The following WASHC4 variants were observed in gnomAD, a reference collection of about 807,000 sequenced individuals.
The protein encoded by WASHC4 is WASH complex subunit 4.
Under a neutral mutation model 166.6 loss-of-function variants are expected in WASHC4, and 86 were observed. The observed-to-expected ratio is 0.52, with a 90% CI of 0.43 to 0.62. The LOEUF is 0.62. Ranked by LOEUF, WASHC4 falls within the 20% of genes least tolerant of loss-of-function variation. The probability of loss-of-function intolerance (pLI) is 0.00; values close to 1 mark genes in which losing one functional copy is unlikely to be tolerated. For missense variants in WASHC4, 1,262 were observed against 1,382.4 expected, an observed-to-expected ratio of 0.91 and a Z score of 1.38; for synonymous variants, 446 against 451.6, an observed-to-expected ratio of 0.99 and a Z score of 0.16.
At position 105,140,987 on chromosome 12, in the gene WASHC4, C is replaced by G. The variant is rs1407108806; in HGVS notation, c.1649C>G (p.Pro550Arg). 1 of 1,613,964 alleles carries G rather than the reference C, an allele frequency of 6.2e-7. No individual in the cohort carries two copies. The highest frequency in any genetic ancestry group is 8.5e-7 in the Non-Finnish European group (1 of 1,180,012). ...TTGGCTGAAAACACTCTAAATGGACCAAGCACAAAGCAACGGCGACTTATT... is the reference window on the plus strand; with the variant it reads ...TTGGCTGAAAACACTCTAAATGGACGAAGCACAAAGCAACGGCGACTTATT... ...LVLAENTLNG[P>R]STKQRRLIVS... is the part of the protein sequence containing the mutation. Residue 550 changes from proline (P) to arginine (R), a missense_variant, in exon 17 of 33, where the codon CCA becomes CGA. Pro to Arg is a moderately radical substitution (Grantham distance 103). Transcript: ENST00000332180.
chr12:105,167,262 A>G lies in WASHC4; in HGVS notation c.*331A>G. 2 of 295,204 alleles carry G rather than the reference A, an allele frequency of 6.8e-6. No individual in the cohort carries two copies. Among genetic ancestry groups the G allele is most frequent in the Non-Finnish European group, 1.3e-5 (2 of 153,290 alleles). The allele number at this position is 295,204 out of a possible 1,614,324, so 18.3% of individuals were successfully genotyped here. A position where few individuals can be genotyped will look rare whatever the true frequency, so the allele number is the denominator to read the frequency against. ...TGTAATCTACATGTTTGTAATTTGT[A>G]TTTGCATAGATCTTTGATCTATAGT... On this transcript the variant is annotated 3_prime_UTR_variant, in exon 33 of 33. Coordinates refer to ENST00000332180, the MANE Select transcript of WASHC4 (RefSeq NM_015275.3).
At chr12:105,128,589 C>T (rs1022845139) in intron 13 of WASHC4, among the ~76,000 whole-genome samples, 2 of 152,122 alleles carry the variant, frequency 1.3e-5, no homozygotes, top group Admixed American at 6.5e-5. Context: ...TGAGTGCCAT[C>T]GTAATGCCCA....
chr12:105,149,406 A>G (rs138471012), intron 24 of WASHC4: 8 of 1,076,110 alleles, frequency 7.4e-6, no homozygotes, highest in Non-Finnish European at 9.1e-6. Context: ...TAGTAAAAAT[A>G]TGTAAGAGGA....
chr12:105,114,740 A>G (rs1393118979), intron 4 of WASHC4, among the ~76,000 whole-genome samples: 2 of 152,050 alleles, frequency 1.3e-5, no homozygotes, highest in East Asian at 1.9e-4. Flanking sequence ...AAACCTCCAG[A>G]GTTTGTGTTA....
intron 23 of WASHC4, among the ~76,000 whole-genome samples, chr12:105,146,779 A>T (rs1442936995): frequency 6.6e-6 from 1 of 152,014 alleles, no homozygotes; most frequent in Non-Finnish European, 1.5e-5. Flanking sequence ...CCACTTGAGG[A>T]TCCCTAATCT....
At chr12:105,137,237 C>T (rs1882409834) in intron 14 of WASHC4, among the ~76,000 whole-genome samples, 1 of 152,116 alleles carries the variant, frequency 6.6e-6, no homozygotes, top group African/African-American at 2.4e-5. Flanking sequence ...TTTAACACCT[C>T]ACAAGACCTG....
At chr12:105,113,726 C>T (rs751157261) in intron 2 of WASHC4, among the ~76,000 whole-genome samples, 3 of 151,934 alleles carry the variant, frequency 2.0e-5, no homozygotes, top group Non-Finnish European at 4.4e-5. Flanking sequence ...GGAAATTGAA[C>T]GGGCTTTAGG....
At chr12:105,141,361 T>C (rs939104040) in intron 18 of WASHC4, 115 bp downstream of exon 18, 2 of 812,014 alleles carry the variant, frequency 2.5e-6, no homozygotes, top group Non-Finnish European at 4.4e-6. Context: ...ATTAGTTCCT[T>C]TCTGTAACTT....
intron 7 of WASHC4, among the ~76,000 whole-genome samples, chr12:105,119,551 T>A (rs993848088): frequency 1.7e-4 from 26 of 152,142 alleles, no homozygotes; most frequent in African/African-American, 6.3e-4. Context: ...ATTCTCCCAT[T>A]TTCCCCCTCA....
Position 105,152,346 on chromosome 12 carries a change from C to T in WASHC4, c.2653C>T (p.Pro885Ser). 1 of 1,530,578 alleles carries T rather than the reference C, an allele frequency of 6.5e-7. No homozygotes were observed. The highest frequency in any genetic ancestry group is 2.3e-5 in the East Asian group (1 of 44,376). The allele number at this position is 1,530,578 out of a possible 1,614,324, so 94.8% of individuals were successfully genotyped here. A position where few individuals can be genotyped will look rare whatever the true frequency, so the allele number is the denominator to read the frequency against. The change falls in exon 26 of 33, where the codon CCT (proline) becomes TCT (serine). Residue 885 changes from proline to serine, a missense_variant. Physicochemically the swap from Pro to Ser is moderately conservative, Grantham distance 74 (BLOSUM62 -1). Coordinates refer to ENST00000332180, the MANE Select transcript of WASHC4 (RefSeq NM_015275.3). ...AGCCTTAAAATTTTCTGTCTAGTATCCTTTTGATAGAGCAGAAAAATTCAA... is the reference window on the plus strand; with the variant it reads ...AGCCTTAAAATTTTCTGTCTAGTATTCTTTTGATAGAGCAGAAAAATTCAA... ...EIKDQNDHKY[P>S]FDRAEKFNRG...
rs746794932 is a variant in WASHC4, at chr12:105,162,711, C to A, written c.3061-38C>A. The A allele has an allele frequency of 4.8e-6, 5 of 1,044,210 alleles. No homozygotes were observed. The Admixed American group carries it at 6.8e-5, about 14-fold the overall frequency. 64.7% of individuals were successfully genotyped at this position (1,044,210 alleles called of 1,614,324 possible). On this transcript the variant is annotated intron_variant, in intron 29 of 32. Coordinates refer to ENST00000332180, the MANE Select transcript of WASHC4 (RefSeq NM_015275.3). ...ATAGGAATTCTGAAGATTTTCTTAGCAAAATTGTTTTTCTAACATGTTGTT... is the reference window on the plus strand; with the variant it reads ...ATAGGAATTCTGAAGATTTTCTTAGAAAAATTGTTTTTCTAACATGTTGTT...
rs1288642588 is a variant in WASHC4 at position 105,163,179 on chromosome 12, C to T, written c.3157+334C>T. ...TTCACTGTGTTAGCCAGGATGGTCT[C>T]GATCTCCTGACCTCGTGATCTGCCC... On this transcript the variant is annotated intron_variant, in intron 30 of 32. Coordinates refer to ENST00000332180, the MANE Select transcript of WASHC4 (RefSeq NM_015275.3). 8.5e-5 allele frequency among the ~76,000 whole-genome samples: 13 copies of T among 152,118 alleles called. No homozygotes were observed. In the East Asian group the frequency reaches 9.7e-4, roughly 11 times the overall value.
At chr12:105,148,282 T>G (rs1883475429) in intron 24 of WASHC4, 1 of 985,302 alleles carries the variant, frequency 1.0e-6, no homozygotes, top group Admixed American at 6.1e-5. Flanking sequence ...TGATCATGTT[T>G]GTACCTTTGA....
chr12:105,107,773 G>C lies in WASHC4; in HGVS notation c.-28G>C, dbSNP rs750529570. 6.5e-7 allele frequency: 1 copy of C among 1,538,394 alleles called. No individual in the cohort carries two copies. The highest frequency in any genetic ancestry group is 1.2e-5 in the South Asian group (1 of 83,700). ...CGTCGTCGCCGCACGGGCTGGTTGG[G>C]GCTGTGTCTGTGGGAGGCGCCGGGG... On this transcript the variant is annotated 5_prime_UTR_variant, in exon 1 of 33. Transcript: ENST00000332180.
At chr12:105,159,895 G>C (rs1884388750) in intron 28 of WASHC4, 106 bp from the exon 29 acceptor site, 1 of 1,015,742 alleles carries the variant, frequency 9.8e-7, no homozygotes, top group East Asian at 2.4e-5. Flanking sequence ...GTGTCTTACA[G>C]TGTTTCCTGC....
At position 105,142,557 on chromosome 12, in the gene WASHC4, A is replaced by G. The variant is rs188956992; in HGVS notation, c.1892A>G (p.His631Arg). 3.4e-6 allele frequency: 5 copies of G among 1,473,964 alleles called. No individual in the cohort carries two copies. Among genetic ancestry groups the G allele is most frequent in the Admixed American group, 3.3e-5 (2 of 59,810 alleles). 91.3% of individuals were successfully genotyped at this position (1,473,964 alleles called of 1,614,324 possible). ...AATGCTGTTGATGCAGCCAGATTAC[A>G]TGTAAGTAAAGAACAATATAAAGAA... ...YENAVDAARL[H>R]YMFSALRDCV... Residue 631 changes from histidine (H) to arginine (R), a missense_variant and splice_region_variant, in exon 19 of 33, where the codon CAT becomes CGT. By Grantham distance (29) the His-to-Arg change is conservative. Coordinates refer to ENST00000332180, the MANE Select transcript of WASHC4 (RefSeq NM_015275.3).
chr12:105,145,868 G>T (rs1170609233), intron 22 of WASHC4, among the ~76,000 whole-genome samples: 1 of 151,990 alleles, frequency 6.6e-6, no homozygotes, highest in Non-Finnish European at 1.5e-5. Flanking sequence ...ATTTAAAAGG[G>T]GTCTGGTGTG....
At chr12:105,164,819 G>A in intron 32 of WASHC4, 79 bp downstream of exon 32, 1 of 925,520 alleles carries the variant, frequency 1.1e-6, no homozygotes, top group Non-Finnish European at 1.7e-6. Context: ...TATCTGGTCA[G>A]ACATCTAGCT....
rs1883164935 is a variant in WASHC4, at chr12:105,144,821, T to A, written c.2283T>A (p.Arg761=). 1 of 1,613,378 alleles carries A rather than the reference T, an allele frequency of 6.2e-7. No individual in the cohort carries two copies. The highest frequency in any genetic ancestry group is 8.5e-7 in the Non-Finnish European group (1 of 1,179,492). Residue 761 remains arginine, a synonymous_variant, in exon 22 of 33, where the codon CGT becomes CGA. Transcript: ENST00000332180. ...YSEMRNLATQ[R]YGLVMTEAHL... ...AGATGAGAAACTTAGCTACTCAGCG[T>A]TATGGACTGGTTATGACAGAGGCAC...
Sources: allele counts gnomAD v4.1 joint callset (sites outside exome capture counted in the v4.1 genomes callset), GRCh38; gene constraint gnomAD v4.1.1; transcripts MANE v1.5; gene names NCBI Gene and HGNC (gene_info 2026-07-23, HGNC 2026-07-21).